SHROOM3: variants seen among roughly 807,000 people sequenced by gnomAD.
SHROOM3 encodes the protein protein Shroom3.
A neutral mutation model predicts 138.6 loss-of-function variants in SHROOM3; 47 were observed. That is an observed-to-expected ratio of 0.34 (90% CI 0.27 to 0.43). The LOEUF (loss-of-function observed/expected upper bound fraction) is 0.43, where lower values mean the gene tolerates loss of function less well. Ranked by LOEUF, SHROOM3 falls within the 20% of genes least tolerant of loss-of-function variation. SHROOM3 has a pLI of 1.00. For missense variants in SHROOM3, 2,491 were observed against 2,596.5 expected, an observed-to-expected ratio of 0.96 and a Z score of 0.88; for synonymous variants, 1,062 against 1,063.3, an observed-to-expected ratio of 1.00 and a Z score of 0.02.
chr4:76,571,081 G>T (rs1733825240), intron 2 of SHROOM3, among the ~76,000 whole-genome samples: 1 of 152,186 alleles, frequency 6.6e-6, no homozygotes, highest in Non-Finnish European at 1.5e-5. Context: ...AATAATTTTA[G>T]TAAGCTCTCA....
intron 1 of SHROOM3, among the ~76,000 whole-genome samples, chr4:76,508,677 A>G (rs932636930): frequency 1.3e-5 from 2 of 152,228 alleles, no homozygotes; most frequent in Non-Finnish European, 2.9e-5. Flanking sequence ...CTTCCAATCA[A>G]TGAACGTGGG....
chr4:76,495,358 TC>T (rs947969378), intron 1 of SHROOM3, among the ~76,000 whole-genome samples: 18 of 151,978 alleles, frequency 1.2e-4, no homozygotes, highest in African/African-American at 4.1e-4. Context: ...TTACATACCT[TC>T]CCCCCAGGGA....
intron 1 of SHROOM3, among the ~76,000 whole-genome samples, chr4:76,500,120 G>A (rs971343233): frequency 2.0e-5 from 3 of 152,140 alleles, no homozygotes; most frequent in African/African-American, 7.2e-5. Flanking sequence ...CTCCAGTTCG[G>A]ACATTAGACA....
intron 1 of SHROOM3, among the ~76,000 whole-genome samples, chr4:76,553,528 G>A (rs931368594): frequency 3.9e-5 from 6 of 151,906 alleles, no homozygotes; most frequent in South Asian, 2.1e-4. Flanking sequence ...CACCCACCCC[G>A]GCCTCCCAAA....
At chr4:76,755,913 T>C (rs1721794561) in intron 7 of SHROOM3, among the ~76,000 whole-genome samples, 1 of 152,166 alleles carries the variant, frequency 6.6e-6, no homozygotes, top group South Asian at 2.1e-4. Context: ...AAAAAACACA[T>C]TGCCTGACAG....
At chr4:76,653,926 G>A (rs1220144244) in intron 2 of SHROOM3, among the ~76,000 whole-genome samples, 2 of 152,166 alleles carry the variant, frequency 1.3e-5, no homozygotes, top group African/African-American at 4.8e-5. Context: ...AGGTTATGGG[G>A]ATACAAAGAT....
At chr4:76,584,617 G>A (rs1442804164) in intron 2 of SHROOM3, among the ~76,000 whole-genome samples, 2 of 152,160 alleles carry the variant, frequency 1.3e-5, no homozygotes, top group Non-Finnish European at 2.9e-5. Flanking sequence ...ATAAACAAAC[G>A]TCAAACATGA....
intron 1 of SHROOM3, among the ~76,000 whole-genome samples, chr4:76,443,987 G>A (rs910404073): frequency 6.6e-6 from 1 of 151,996 alleles, no homozygotes; most frequent in African/African-American, 2.4e-5. Context: ...GAGTGCAGTG[G>A]CATGATCACA....
At chr4:76,777,905 TTCTC>T (rs1472962661) in intron 10 of SHROOM3, among the ~76,000 whole-genome samples, 2 of 152,200 alleles carry the variant, frequency 1.3e-5, no homozygotes, top group East Asian at 3.8e-4. Flanking sequence ...TGAACAGAAT[TTCTC>T]TCATTTTGGA....
At chr4:76,774,877 C>T (rs1363218632) in intron 10 of SHROOM3, among the ~76,000 whole-genome samples, 1 of 151,732 alleles carries the variant, frequency 6.6e-6, no homozygotes, top group African/African-American at 2.4e-5. Flanking sequence ...CTTTGATAAC[C>T]CTACATAAGC....
chr4:76,721,183 C>T (rs13146751), intron 3 of SHROOM3, among the ~76,000 whole-genome samples: 10,747 of 149,732 alleles, frequency 0.072, 492 homozygotes, highest in Non-Finnish European at 0.1. Context: ...TAGTGGCGGG[C>T]GCCTGTAGTC....
chr4:76,518,311 A>C (rs1732486559), intron 1 of SHROOM3, among the ~76,000 whole-genome samples: 1 of 152,078 alleles, frequency 6.6e-6, no homozygotes, highest in African/African-American at 2.4e-5. Context: ...AGTGTCCTCC[A>C]CTCCATATCA....
Position 76,550,619 on chromosome 4 carries a change from C to T in SHROOM3, c.169-4990C>T, listed in dbSNP as rs1733331152. Among the ~76,000 whole-genome samples, 5 of 152,030 alleles carry T rather than the reference C, an allele frequency of 3.3e-5. No individual in the cohort carries two copies. The South Asian group carries it at 1.0e-3, about 32-fold the overall frequency. ...TTAAAACCCCAAGACAGCACAAATC[C>T]CTGAGAGACAGTATGGAGAGATGTG... On this transcript the variant is annotated intron_variant, in intron 1 of 10. Coordinates refer to ENST00000296043, the MANE Select transcript of SHROOM3 (RefSeq NM_020859.4).
intron 1 of SHROOM3, among the ~76,000 whole-genome samples, chr4:76,481,956 C>G (rs1313970469): frequency 1.3e-5 from 2 of 152,146 alleles, no homozygotes; most frequent in Non-Finnish European, 2.9e-5. Flanking sequence ...ATTCAACACC[C>G]CTTCATGCTA....
chr4:76,657,201 C>A (rs1172050945), intron 2 of SHROOM3, among the ~76,000 whole-genome samples: 3 of 148,860 alleles, frequency 2.0e-5, no homozygotes, highest in Non-Finnish European at 3.0e-5. Context: ...CTCTCTCTCT[C>A]TCTATATATA....
intron 1 of SHROOM3, among the ~76,000 whole-genome samples, chr4:76,493,260 A>G (rs769881742): frequency 4.0e-5 from 6 of 150,604 alleles, no homozygotes; most frequent in Non-Finnish European, 7.4e-5. Context: ...GCCTAGTTAC[A>G]TTTGAATTTC....
At chr4:76,513,842 G>A (rs1012318252) in intron 1 of SHROOM3, among the ~76,000 whole-genome samples, 2 of 152,076 alleles carry the variant, frequency 1.3e-5, no homozygotes, top group Non-Finnish European at 2.9e-5. Flanking sequence ...TTTCTTATCC[G>A]GGTCAGACAT....
chr4:76,590,538 C>T (rs1443123999), intron 2 of SHROOM3, among the ~76,000 whole-genome samples: 2 of 146,264 alleles, frequency 1.4e-5, no homozygotes, highest in Admixed American at 1.4e-4. Flanking sequence ...TTAAAATTAA[C>T]TCACACAAAA....
intron 2 of SHROOM3, among the ~76,000 whole-genome samples, chr4:76,608,478 T>C (rs1734668947): frequency 6.6e-6 from 1 of 151,826 alleles, no homozygotes. Flanking sequence ...ATTGGCCTGG[T>C]CATTAGATTA....
Sources: allele counts gnomAD v4.1 joint callset (sites outside exome capture counted in the v4.1 genomes callset), GRCh38; gene constraint gnomAD v4.1.1; transcripts MANE v1.5; gene names NCBI Gene and HGNC (gene_info 2026-07-23, HGNC 2026-07-21).